FHIT: variants seen among roughly 807,000 people sequenced by gnomAD.
The protein encoded by FHIT is bis(5'-adenosyl)-triphosphatase.
FHIT carries 19 observed loss-of-function variants against 17.9 expected under a neutral mutation model. The observed-to-expected ratio is 1.06, with a 90% confidence interval of 0.74 to 1.56. The LOEUF (loss-of-function observed/expected upper bound fraction) is 1.56, where lower values mean the gene tolerates loss of function less well. Among genes scored for constraint, FHIT ranks in the 40% most tolerant of loss-of-function variants. FHIT has a pLI of 0.00. For missense variants in FHIT, 248 were observed against 189.2 expected, an observed-to-expected ratio of 1.31 and a Z score of -1.82; for synonymous variants, 81 against 69.7, an observed-to-expected ratio of 1.16 and a Z score of -0.81.
chr3:60,332,027 C>G (rs911680330), intron 5 of FHIT, among the ~76,000 whole-genome samples: 1 of 152,050 alleles, frequency 6.6e-6, no homozygotes, highest in African/African-American at 2.4e-5. Context: ...GTGTATCCAA[C>G]AAGGGAGCTG....
intron 1 of FHIT, among the ~76,000 whole-genome samples, chr3:61,240,404 A>G (rs536186133): frequency 6.6e-6 from 1 of 152,258 alleles, no homozygotes; most frequent in African/African-American, 2.4e-5. Context: ...CTCTGATGCT[A>G]AGAATGTGGC....
At chr3:60,303,363 G>T (rs1424550868) in intron 5 of FHIT, among the ~76,000 whole-genome samples, 3 of 152,138 alleles carry the variant, frequency 2.0e-5, no homozygotes, top group Non-Finnish European at 4.4e-5. Flanking sequence ...TTGCCAGTTT[G>T]ATTGCCAAAT....
chr3:60,785,363 T>C lies in FHIT; in HGVS notation c.-18+36556A>G, dbSNP rs143941803. 1.4e-4 allele frequency among the ~76,000 whole-genome samples: 22 copies of C among 152,220 alleles called. No individual in the cohort carries two copies. In the East Asian group the frequency reaches 3.7e-3, roughly 25 times the overall value. Reference sequence around the variant, plus strand: ...CAATAGGAGTGGTCTGTTGTGGTGATAGAATCTGCAGACCGGTGGAAGTCC... The same window carrying C: ...CAATAGGAGTGGTCTGTTGTGGTGACAGAATCTGCAGACCGGTGGAAGTCC... On this transcript the variant is annotated intron_variant, in intron 4 of 9. Transcript: ENST00000492590.
chr3:59,789,314 C>T (rs1447664719), intron 8 of FHIT, among the ~76,000 whole-genome samples: 4 of 152,160 alleles, frequency 2.6e-5, no homozygotes, highest in Admixed American at 2.6e-4. Flanking sequence ...TCAAAACTTG[C>T]TTAGAAAGGT....
chr3:60,284,286 T>C (rs1441505663), intron 5 of FHIT, among the ~76,000 whole-genome samples: 1 of 152,138 alleles, frequency 6.6e-6, no homozygotes, highest in Admixed American at 6.5e-5. Context: ...AAATGGTAAA[T>C]GTAAAGACAA....
chr3:60,477,567 CT>C (rs1423688685), intron 5 of FHIT, among the ~76,000 whole-genome samples: 1 of 152,132 alleles, frequency 6.6e-6, no homozygotes, highest in African/African-American at 2.4e-5. Context: ...AACAGTGCTA[CT>C]GTTAAAAAGT....
At chr3:60,731,895 A>C (rs1038724143) in intron 4 of FHIT, among the ~76,000 whole-genome samples, 1 of 152,138 alleles carries the variant, frequency 6.6e-6, no homozygotes, top group African/African-American at 2.4e-5. Flanking sequence ...CTCATATCTG[A>C]CTAGCTGACT....
chr3:60,372,993 A>T (rs532418848), intron 5 of FHIT, among the ~76,000 whole-genome samples: 1 of 152,204 alleles, frequency 6.6e-6, no homozygotes, highest in Non-Finnish European at 1.5e-5. Context: ...AGCCTACCAA[A>T]TAAAAATGTC....
intron 8 of FHIT, among the ~76,000 whole-genome samples, chr3:59,846,109 T>C (rs1434850885): frequency 1.3e-5 from 2 of 152,082 alleles, no homozygotes; most frequent in African/African-American, 2.4e-5. Context: ...TAAGGAGAGG[T>C]TTGATTCTGT....
intron 3 of FHIT, among the ~76,000 whole-genome samples, chr3:60,977,631 G>A (rs1339758941): frequency 6.6e-6 from 1 of 152,136 alleles, no homozygotes; most frequent in Non-Finnish European, 1.5e-5. Context: ...CAGCACTTTG[G>A]GAGGCTGAGA....
chr3:60,229,121 G>T (rs1057414669), intron 5 of FHIT, among the ~76,000 whole-genome samples: 1 of 152,092 alleles, frequency 6.6e-6, no homozygotes, highest in African/African-American at 2.4e-5. Context: ...GTGCCCTCAA[G>T]AAAGTCATTA....
At chr3:61,117,932 G>A (rs1235600121) in intron 2 of FHIT, among the ~76,000 whole-genome samples, 1 of 151,942 alleles carries the variant, frequency 6.6e-6, no homozygotes, top group Admixed American at 6.6e-5. Flanking sequence ...AACAGGATGG[G>A]GCACTCTTTT....
Position 60,939,705 on chromosome 3 carries a change from A to C in FHIT, c.-111+102342T>G, listed in dbSNP as rs547980234. Among the ~76,000 whole-genome samples, 6 of 152,296 alleles carry C rather than the reference A, an allele frequency of 3.9e-5. No homozygotes were observed. The East Asian group carries it at 5.8e-4, about 15-fold the overall frequency. ...AGAAATTATTATAACCGAAGACATA[A>C]ATGCGAACCAAATAAAACAAAATAA... On this transcript the variant is annotated intron_variant, in intron 3 of 9. Coordinates refer to ENST00000492590, the MANE Select transcript of FHIT (RefSeq NM_002012.4).
chr3:60,562,326 T>G (rs1421758452), intron 4 of FHIT, among the ~76,000 whole-genome samples: 4 of 152,164 alleles, frequency 2.6e-5, no homozygotes, highest in Non-Finnish European at 5.9e-5. Context: ...CATTTTCAGA[T>G]AGTTAGGAGA....
chr3:60,580,199 T>C (rs1170275059), intron 4 of FHIT, among the ~76,000 whole-genome samples: 5 of 152,118 alleles, frequency 3.3e-5, no homozygotes, highest in Admixed American at 6.6e-5. Context: ...TGTATAAATG[T>C]CTACAATTTG....
intron 5 of FHIT, among the ~76,000 whole-genome samples, chr3:60,468,527 T>G (rs2032919757): frequency 6.6e-6 from 1 of 152,142 alleles, no homozygotes; most frequent in Non-Finnish European, 1.5e-5. Context: ...CCCATTATAT[T>G]AAACAGATGA....
At position 60,860,771 on chromosome 3, in the gene FHIT, T is replaced by G. The variant is rs1703740244; in HGVS notation, c.-110-38760A>C. Among the ~76,000 whole-genome samples the G allele has an allele frequency of 6.2e-5, 2 of 32,436 alleles. 1 individual carries two copies. Among genetic ancestry groups the G allele is most frequent in the Non-Finnish European group, 9.7e-5 (2 of 20,556 alleles). The allele number at this position is 32,436 out of a possible 152,430, so 21.3% of individuals were successfully genotyped here. On this transcript the variant is annotated intron_variant, in intron 3 of 9. Coordinates refer to ENST00000492590, the MANE Select transcript of FHIT (RefSeq NM_002012.4). ...ATATCAGGTATATATGATACATATGTATCATATATCAGGTATATATGATAC... is the reference window on the plus strand; with the variant it reads ...ATATCAGGTATATATGATACATATGGATCATATATCAGGTATATATGATAC...
chr3:60,254,364 A>G (rs1196730874), intron 5 of FHIT, among the ~76,000 whole-genome samples: 1 of 152,190 alleles, frequency 6.6e-6, no homozygotes, highest in Non-Finnish European at 1.5e-5. Flanking sequence ...GAAGTGCTGA[A>G]GATTTGTGAG....
At chr3:60,539,273 C>T (rs1488100014) in intron 4 of FHIT, among the ~76,000 whole-genome samples, 7 of 152,146 alleles carry the variant, frequency 4.6e-5, no homozygotes, top group Non-Finnish European at 8.8e-5. Flanking sequence ...GAATGGCGAT[C>T]AGTAAAAAGT....
Sources: gnomAD v4.1 joint callset for allele counts (sites outside exome capture counted in the v4.1 genomes callset) on GRCh38, gnomAD v4.1.1 for gene constraint, MANE v1.5 for transcripts, NCBI Gene and HGNC (gene_info 2026-07-23, HGNC 2026-07-21) for gene names.